The following KIZ variants were observed in gnomAD, a reference collection of about 807,000 sequenced individuals.
The protein encoded by KIZ is centrosomal protein kizuna.
KIZ carries 68 observed loss-of-function variants against 79.6 expected under a neutral mutation model. The ratio of observed to expected loss-of-function variants is 0.85; its 90% confidence interval spans 0.70 to 1.05. The LOEUF is 1.05. KIZ is among the 50% of genes least tolerant of loss of function. KIZ has a pLI of 0.00. For missense variants in KIZ, 797 were observed against 800.4 expected (o/e 1.00, Z 0.05); for synonymous variants, 280 against 281.8 (o/e 0.99, Z 0.06).
At chr20:21,183,159 A>G (rs2145100) in intron 6 of KIZ, among the ~76,000 whole-genome samples, 87,218 of 152,072 alleles carry the variant, frequency 0.57, 27,072 homozygotes, top group South Asian at 0.78. Flanking sequence ...TCTGGAGACA[A>G]CTCTACCCCA....
At chr20:21,246,350 A>G (rs2123550366) in intron 12 of KIZ, 129 bp from the exon 13 acceptor site, 1 of 670,568 alleles carries the variant, frequency 1.5e-6, no homozygotes, top group Admixed American at 2.6e-5. Flanking sequence ...CAGGTACATC[A>G]TGTGGTGTCC....
At chr20:21,129,159 G>C (rs970905833) in intron 1 of KIZ, among the ~76,000 whole-genome samples, 1 of 152,184 alleles carries the variant, frequency 6.6e-6, no homozygotes, top group Non-Finnish European at 1.5e-5. Flanking sequence ...AGCATTCTGA[G>C]GTGCTGCAGT....
At chr20:21,207,895 T>C (rs1568977579) in intron 7 of KIZ, among the ~76,000 whole-genome samples, 1 of 152,048 alleles carries the variant, frequency 6.6e-6, no homozygotes, top group African/African-American at 2.4e-5. Flanking sequence ...GTATTTTTAG[T>C]AGAGACAGGG....
intron 9 of KIZ, among the ~76,000 whole-genome samples, chr20:21,227,404 T>C (rs1240398186): frequency 6.6e-6 from 1 of 152,206 alleles, no homozygotes; most frequent in Non-Finnish European, 1.5e-5. Context: ...TCCTTTTTTT[T>C]CAAATTTCCA....
chr20:21,193,826 A>T (rs866762876), intron 6 of KIZ, among the ~76,000 whole-genome samples: 1 of 124,762 alleles, frequency 8.0e-6, no homozygotes, highest in South Asian at 2.8e-4. Context: ...GGACCCAGGA[A>T]GGGGAACATC....
intron 6 of KIZ, among the ~76,000 whole-genome samples, chr20:21,188,669 CATTTT>C (rs1371617473): frequency 8.3e-6 from 1 of 119,804 alleles, no homozygotes; most frequent in South Asian, 2.5e-4. Flanking sequence ...ATCTGTTTTG[CATTTT>C]ATTTTATTTA....
chr20:21,227,520 A>G (rs958339572), intron 9 of KIZ, among the ~76,000 whole-genome samples: 1 of 152,122 alleles, frequency 6.6e-6, no homozygotes, highest in Non-Finnish European at 1.5e-5. Flanking sequence ...TTTTTGGTTG[A>G]TTTTTATAAA....
chr20:21,128,092 A>C (rs988123513), intron 1 of KIZ, among the ~76,000 whole-genome samples: 1 of 152,160 alleles, frequency 6.6e-6, no homozygotes, highest in African/African-American at 2.4e-5. Flanking sequence ...AGCTCACTGC[A>C]ACCCCCACCT....
chr20:21,132,136 A>G lies in KIZ; in HGVS notation c.129A>G (p.Glu43=). Residue 43 remains glutamate (E), a synonymous_variant, in exon 2 of 13, where the codon GAA becomes GAG. Transcript: ENST00000619189. ...KRLDLEKKLY[E]YNQSDTCRVK... ...TGGACCTGGAAAAGAAACTTTATGAATATAATCAGTCTGATACATGCAGGT... is the reference window on the plus strand; with the variant it reads ...TGGACCTGGAAAAGAAACTTTATGAGTATAATCAGTCTGATACATGCAGGT... 2 of 1,473,148 alleles carry G rather than the reference A, an allele frequency of 1.4e-6. No individual in the cohort carries two copies. The highest frequency in any genetic ancestry group is 1.9e-6 in the Non-Finnish European group (2 of 1,081,058). The allele number at this position is 1,473,148 out of a possible 1,614,324, so 91.3% of individuals were successfully genotyped here. A position where few individuals can be genotyped will look rare whatever the true frequency, so the allele number is the denominator to read the frequency against.
intron 11 of KIZ, among the ~76,000 whole-genome samples, chr20:21,240,621 T>C (rs887069274): frequency 6.6e-6 from 1 of 152,246 alleles, no homozygotes; most frequent in Non-Finnish European, 1.5e-5. Context: ...AGGCAGGCTC[T>C]CTGGCTTGCA....
intron 6 of KIZ, among the ~76,000 whole-genome samples, chr20:21,200,604 T>C (rs2035554903): frequency 6.6e-6 from 1 of 151,808 alleles, no homozygotes; most frequent in African/African-American, 2.4e-5. Context: ...CAGTTCACAA[T>C]AGGGTTCATG....
intron 2 of KIZ, 102 bp downstream of exon 2, chr20:21,132,261 G>GT (rs2031898834): frequency 1.6e-6 from 1 of 623,750 alleles, no homozygotes; most frequent in Non-Finnish European, 2.7e-6. Flanking sequence ...AGAGTACTGG[G>GT]TTTTTGGTTT....
At chr20:21,211,580 AG>A (rs2036069519) in intron 7 of KIZ, among the ~76,000 whole-genome samples, 1 of 152,202 alleles carries the variant, frequency 6.6e-6, no homozygotes, top group Non-Finnish European at 1.5e-5. Context: ...CATTTTTTTC[AG>A]AGAATTAGCT....
chr20:21,158,053 A>G (rs2033469932), intron 4 of KIZ, among the ~76,000 whole-genome samples: 1 of 152,148 alleles, frequency 6.6e-6, no homozygotes, highest in South Asian at 2.1e-4. Flanking sequence ...AGAGCCATCT[A>G]TTTACACAAC....
intron 9 of KIZ, among the ~76,000 whole-genome samples, chr20:21,215,964 T>TA (rs1224700166): frequency 6.6e-6 from 1 of 152,214 alleles, no homozygotes; most frequent in Non-Finnish European, 1.5e-5. Context: ...ACCCGGTCAT[T>TA]ACACAGCAAA....
intron 3 of KIZ, chr20:21,144,230 G>T (rs985596345): frequency 6.6e-6 from 1 of 152,110 alleles, no homozygotes; most frequent in African/African-American, 2.4e-5. Context: ...AGGAAATCAG[G>T]TACAATGCTC....
At position 21,163,100 on chromosome 20, in the gene KIZ, G is replaced by A; in HGVS notation, c.1293G>A (p.Leu431=). 1 of 1,613,762 alleles carries A rather than the reference G, an allele frequency of 6.2e-7. No individual in the cohort carries two copies. Among genetic ancestry groups the A allele is most frequent in the Non-Finnish European group, 8.5e-7 (1 of 1,179,726 alleles). Residue 431 remains leucine (L), a synonymous_variant, in exon 6 of 13, where the codon TTG becomes TTA. Transcript: ENST00000619189. The part of the protein sequence containing the change: ...VALSTEKNCI[L]QTLSSPDSEK... ...TATCCACTGAAAAAAATTGTATTTTGCAAACCCTAAGCTCTCCTGATTCAG... is the reference window on the plus strand; with the variant it reads ...TATCCACTGAAAAAAATTGTATTTTACAAACCCTAAGCTCTCCTGATTCAG...
At chr20:21,189,806 C>A (rs2035037104) in intron 6 of KIZ, among the ~76,000 whole-genome samples, 1 of 152,060 alleles carries the variant, frequency 6.6e-6, no homozygotes, top group South Asian at 2.1e-4. Flanking sequence ...GTTTGCTGAC[C>A]CCTGGTCCAC....
At position 21,162,385 on chromosome 20, in the gene KIZ, A is replaced by G; in HGVS notation, c.920A>G (p.Glu307Gly). The G allele has an allele frequency of 1.3e-5, 21 of 1,613,800 alleles. No homozygotes were observed. Among genetic ancestry groups the G allele is most frequent in the Non-Finnish European group, 1.7e-5 (20 of 1,179,770 alleles). ...SGSEGEILTR[E>G]HIEVEEKRAS... Reference sequence around the variant, plus strand: ...TCAGAGGGAGAAATACTGACACGGGAACATATTGAAGTTGAGGAAAAAAGA... The same window carrying G: ...TCAGAGGGAGAAATACTGACACGGGGACATATTGAAGTTGAGGAAAAAAGA... Residue 307 changes from glutamate (E) to glycine (G), a missense_variant, in exon 5 of 13, where the codon GAA (glutamate) becomes GGA (glycine). Glu to Gly is a moderately conservative substitution (Grantham distance 98). Transcript: ENST00000619189.
Sources: gnomAD v4.1 joint callset for allele counts (sites outside exome capture counted in the v4.1 genomes callset) on GRCh38, gnomAD v4.1.1 for gene constraint, MANE v1.5 for transcripts, NCBI Gene and HGNC (gene_info 2026-07-23, HGNC 2026-07-21) for gene names.